The following PCDH10 variants were observed in gnomAD, a reference collection of about 807,000 sequenced individuals.
The protein encoded by PCDH10 is protocadherin-10.
PCDH10 carries 15 observed loss-of-function variants against 74.4 expected under a neutral mutation model. The observed-to-expected ratio is 0.20, with a 90% CI of 0.13 to 0.31. The LOEUF (loss-of-function observed/expected upper bound fraction) is 0.31. Among genes scored for constraint, PCDH10 ranks in the 10% least tolerant of loss-of-function variants. The probability of loss-of-function intolerance (pLI) is 1.00; values close to 1 mark genes in which losing one functional copy is unlikely to be tolerated. For synonymous variants in PCDH10, 619 were observed against 589.8 expected (o/e 1.05, Z -0.72); for missense variants, 1,260 against 1,390.2 (o/e 0.91, Z 1.49).
intron 2 of PCDH10, among the ~76,000 whole-genome samples, chr4:133,202,908 G>C (rs1727930825): frequency 6.6e-6 from 1 of 152,136 alleles, no homozygotes; most frequent in African/African-American, 2.4e-5. Flanking sequence ...CTAGCACTGA[G>C]GCATCAGAGA....
At chr4:133,166,799 TAATC>T (rs1727091980) in intron 4 of PCDH10, among the ~76,000 whole-genome samples, 1 of 151,522 alleles carries the variant, frequency 6.6e-6, no homozygotes, top group Admixed American at 6.6e-5. Context: ...CCAATAAACA[TAATC>T]AATTCCTAAA....
intron 4 of PCDH10, among the ~76,000 whole-genome samples, chr4:133,171,414 A>G (rs919477442): frequency 2.0e-5 from 3 of 152,176 alleles, no homozygotes; most frequent in Non-Finnish European, 4.4e-5. Context: ...AACTAAAATC[A>G]ATATTAAATA....
At chr4:133,175,265 A>G (rs1050307836) in intron 4 of PCDH10, among the ~76,000 whole-genome samples, 9 of 151,960 alleles carry the variant, frequency 5.9e-5, no homozygotes, top group Non-Finnish European at 4.4e-5. Context: ...TAGTAGTATT[A>G]TTTATTGTAA....
chr4:133,151,189 A>G lies in PCDH10; in HGVS notation c.1049A>G (p.Asp350Gly). 1 of 1,614,176 alleles carries G rather than the reference A, an allele frequency of 6.2e-7. No homozygotes were observed. Among genetic ancestry groups the G allele is most frequent in the Non-Finnish European group, 8.5e-7 (1 of 1,180,038 alleles). ...TGCAAGGTGCTAGTGCGAGTACTGG[A>G]TGCTAATGACAACGCGCCAGAGATC... ...AHCKVLVRVL[D>G]ANDNAPEISF... The change falls in exon 1 of 5, where the codon GAT becomes GGT. Residue 350 changes from aspartate (D) to glycine (G), a missense_variant. Around this residue, in one of 11 missense-constraint regions of PCDH10, gnomAD observed 13 missense variants for 44.5 expected, o/e 0.29. Coordinates refer to ENST00000264360, the MANE Select transcript of PCDH10 (RefSeq NM_032961.3).
chr4:133,162,346 A>C (rs1249404560), intron 3 of PCDH10, among the ~76,000 whole-genome samples: 1 of 152,200 alleles, frequency 6.6e-6, no homozygotes, highest in Non-Finnish European at 1.5e-5. Context: ...GAATACCTTT[A>C]GGAAGTCATT....
chr4:133,164,377 A>C (rs1045753537), intron 4 of PCDH10, among the ~76,000 whole-genome samples: 3 of 152,048 alleles, frequency 2.0e-5, no homozygotes, highest in Non-Finnish European at 2.9e-5. Flanking sequence ...TTCTGGATTC[A>C]AAATTTTATT....
At chr4:133,153,148 C>A in intron 1 of PCDH10, 3 of 1,195,032 alleles carry the variant, frequency 2.5e-6, no homozygotes, top group Non-Finnish European at 3.1e-6. Flanking sequence ...GGTCTTTTTT[C>A]TTTGCGTCTG....
chr4:133,197,221 A>G (rs1243074040), downstream of PCDH10, among the ~76,000 whole-genome samples: 3 of 152,198 alleles, frequency 2.0e-5, no homozygotes, highest in African/African-American at 7.2e-5. Flanking sequence ...TCTGACCCCA[A>G]TGGCCTTTCT....
downstream of PCDH10, among the ~76,000 whole-genome samples, chr4:133,195,981 T>C (rs1352651024): frequency 6.6e-6 from 1 of 152,166 alleles, no homozygotes; most frequent in African/African-American, 2.4e-5. Flanking sequence ...TTTCTGAAGT[T>C]ACCTCACATC....
At chr4:133,153,388 A>G in intron 1 of PCDH10, 1 of 347,322 alleles carries the variant, frequency 2.9e-6, no homozygotes, top group Non-Finnish European at 4.1e-6. Flanking sequence ...GCGCCCACAC[A>G]GTGTGAATTT....
At chr4:133,188,665 GTTTTTTT>G (rs1167321577) in intron 4 of PCDH10, among the ~76,000 whole-genome samples, 2 of 74,664 alleles carry the variant, frequency 2.7e-5, no homozygotes, top group Non-Finnish European at 4.8e-5. Context: ...ACTGCTATGG[GTTTTTTT>G]TTTTTTTTTT....
At chr4:133,175,947 A>G (rs1022206542) in intron 4 of PCDH10, among the ~76,000 whole-genome samples, 3 of 152,262 alleles carry the variant, frequency 2.0e-5, no homozygotes, top group African/African-American at 7.2e-5. Flanking sequence ...AAAAGTTTTC[A>G]GCTTTAAAAT....
Position 133,191,452 on chromosome 4 carries a change from T to G in PCDH10, c.*1292T>G, listed in dbSNP as rs2125874296. On this transcript the variant is annotated 3_prime_UTR_variant, in exon 5 of 5. Coordinates refer to ENST00000264360, the MANE Select transcript of PCDH10 (RefSeq NM_032961.3). ...ATTGTTTCAGTATTCCATGTGAAAA[T>G]TTTATAGCTTAAATGTAGTCAGTGT... 6.6e-6 allele frequency: 1 copy of G among 152,328 alleles called. No homozygotes were observed. Among genetic ancestry groups the G allele is most frequent in the African/African-American group, 2.4e-5 (1 of 41,538 alleles). The allele number at this position is 152,328 out of a possible 1,614,324, so 9.4% of individuals were successfully genotyped here.
In PCDH10 at chr4:133,190,124, T is replaced by G. The variant is rs1198856486; in HGVS notation, c.3104-17T>G. On this transcript the variant is annotated splice_polypyrimidine_tract_variant and intron_variant, in intron 4 of 4. Transcript: ENST00000264360. ...TCAACCTCTTTTTCTTAGAGTATTT[T>G]TCTTTCTTTTTCACAGCACGGAAAA... is the stretch of plus-strand genomic sequence containing the variant. 1 of 1,603,374 alleles carries G rather than the reference T, an allele frequency of 6.2e-7. No individual in the cohort carries two copies. The highest frequency in any genetic ancestry group is 8.5e-7 in the Non-Finnish European group (1 of 1,170,510).
intron 4 of PCDH10, among the ~76,000 whole-genome samples, chr4:133,164,447 T>C (rs1349275593): frequency 1.3e-5 from 2 of 152,004 alleles, no homozygotes; most frequent in East Asian, 3.9e-4. Flanking sequence ...CTGTTTCACT[T>C]AAACTAAGAA....
At chr4:133,174,911 A>G (rs917951541) in intron 4 of PCDH10, among the ~76,000 whole-genome samples, 3 of 151,522 alleles carry the variant, frequency 2.0e-5, no homozygotes, top group African/African-American at 7.2e-5. Flanking sequence ...TTAACATTGA[A>G]TAATGTAATA....
chr4:133,198,446 C>T (rs951425494), downstream of PCDH10, among the ~76,000 whole-genome samples: 1 of 152,094 alleles, frequency 6.6e-6, no homozygotes. Flanking sequence ...TACAATAGTC[C>T]TTAAGCAACA....
rs749905426 is a variant in PCDH10 at position 133,151,628 on chromosome 4, C to T, written c.1488C>T (p.Ala496=). The T allele has an allele frequency of 6.2e-7, 1 of 1,613,814 alleles. No individual in the cohort carries two copies. The highest frequency in any genetic ancestry group is 1.7e-5 in the Admixed American group (1 of 60,028). ...SATDRDEGAN[A]QLAYSILECQ... ...CCGACCGGGATGAGGGCGCCAACGC[C>T]CAGCTTGCCTACTCTATCCTCGAGT... The change falls in exon 1 of 5, where the codon GCC becomes GCT. Residue 496 remains alanine, a synonymous_variant. Transcript: ENST00000264360.
rs1337588879 is a variant in PCDH10, at chr4:133,192,008, T to C, written c.*1848T>C. ...ACACACACACACACTTAGGTCCTGATATGTACATTTAGAGTGATATATTGG... is the reference window on the plus strand; with the variant it reads ...ACACACACACACACTTAGGTCCTGACATGTACATTTAGAGTGATATATTGG... On this transcript the variant is annotated 3_prime_UTR_variant, in exon 5 of 5. Coordinates refer to ENST00000264360, the MANE Select transcript of PCDH10 (RefSeq NM_032961.3). 2 of 143,852 alleles carry C rather than the reference T, an allele frequency of 1.4e-5. No homozygotes were observed. Among genetic ancestry groups the C allele is most frequent in the Non-Finnish European group, 3.0e-5 (2 of 67,156 alleles). The allele number at this position is 143,852 out of a possible 1,614,324, so 8.9% of individuals were successfully genotyped here.
Sources: gnomAD v4.1 joint callset for allele counts (sites outside exome capture counted in the v4.1 genomes callset) on GRCh38, gnomAD v4.1.1 for gene constraint, gnomAD v4.1.1 regional missense constraint, MANE v1.5 for transcripts, NCBI Gene and HGNC (gene_info 2026-07-23, HGNC 2026-07-21) for gene names.